KSR2: variants seen among roughly 807,000 people sequenced by gnomAD.
KSR2 encodes kinase suppressor of ras 2.
Under a neutral mutation model 107.8 loss-of-function variants are expected in KSR2, and 25 were observed. That is an observed-to-expected ratio of 0.23 (90% CI 0.17 to 0.32). The LOEUF (loss-of-function observed/expected upper bound fraction) is 0.32. KSR2 is among the 10% of genes least tolerant of loss of function. KSR2 has a pLI of 1.00. For missense variants in KSR2, 887 were observed against 1,268.9 expected (o/e 0.70, Z 4.57); for synonymous variants, 480 against 507.0 (o/e 0.95, Z 0.71).
At chr12:117,901,316 T>C (rs574528549) in intron 1 of KSR2, among the ~76,000 whole-genome samples, 1 of 152,070 alleles carries the variant, frequency 6.6e-6, no homozygotes, top group South Asian at 2.1e-4. Flanking sequence ...TTCTTTTTTT[T>C]TTTTGAGACA....
chr12:117,918,097 T>A lies in KSR2; in HGVS notation c.180+49979A>T, dbSNP rs1421391282. Among the ~76,000 whole-genome samples the A allele has an allele frequency of 2.0e-5, 3 of 152,192 alleles. No individual in the cohort carries two copies. The East Asian group carries it at 5.8e-4, about 29-fold the overall frequency. On this transcript the variant is annotated intron_variant, in intron 1 of 19. Transcript: ENST00000339824. ...TCATGGCAACTGCAATAGAAATGTA[T>A]TTCTGATTGAAAGAGGAGGCTGAGA...
intron 1 of KSR2, among the ~76,000 whole-genome samples, chr12:117,959,247 A>G (rs1308842520): frequency 6.6e-6 from 1 of 152,214 alleles, no homozygotes; most frequent in Non-Finnish European, 1.5e-5. Context: ...TGTCTACTTG[A>G]CAAATGTAGC....
At chr12:117,861,534 G>C (rs1304366489) in intron 1 of KSR2, among the ~76,000 whole-genome samples, 1 of 151,490 alleles carries the variant, frequency 6.6e-6, no homozygotes, top group Non-Finnish European at 1.5e-5. Flanking sequence ...GACTACAGGC[G>C]CCCGCCACCA....
chr12:117,711,943 T>C (rs1886800320), intron 4 of KSR2, among the ~76,000 whole-genome samples: 1 of 152,206 alleles, frequency 6.6e-6, no homozygotes, highest in Non-Finnish European at 1.5e-5. Flanking sequence ...AGGTTCTCCC[T>C]TGGCTGTCCT....
intron 3 of KSR2, among the ~76,000 whole-genome samples, chr12:117,784,408 C>T (rs898133226): frequency 3.9e-5 from 6 of 152,198 alleles, no homozygotes; most frequent in Non-Finnish European, 8.8e-5. Context: ...GTGAGGCCTC[C>T]CCAGCCACGT....
At chr12:117,683,529 A>G (rs756659839) in intron 4 of KSR2, among the ~76,000 whole-genome samples, 2 of 152,246 alleles carry the variant, frequency 1.3e-5, no homozygotes, top group Non-Finnish European at 2.9e-5. Flanking sequence ...AAATGTGTAT[A>G]TTATATGTCT....
At chr12:117,868,297 C>T (rs558742598) in intron 1 of KSR2, among the ~76,000 whole-genome samples, 1 of 151,866 alleles carries the variant, frequency 6.6e-6, no homozygotes, top group East Asian at 1.9e-4. Context: ...TGGTGGTGCA[C>T]ATCTGTAGTC....
chr12:117,710,171 G>A (rs1886703015), intron 4 of KSR2, among the ~76,000 whole-genome samples: 1 of 152,078 alleles, frequency 6.6e-6, no homozygotes, highest in Non-Finnish European at 1.5e-5. Context: ...AGGTAATGAT[G>A]CCATTTGAAT....
At chr12:117,701,545 G>C (rs1028225289) in intron 4 of KSR2, among the ~76,000 whole-genome samples, 4 of 152,190 alleles carry the variant, frequency 2.6e-5, no homozygotes, top group African/African-American at 9.6e-5. Flanking sequence ...GAAAAAAAAG[G>C]CTACTGGGAC....
At chr12:117,653,171 T>A (rs1198027765) in intron 5 of KSR2, among the ~76,000 whole-genome samples, 1 of 152,228 alleles carries the variant, frequency 6.6e-6, no homozygotes, top group East Asian at 1.9e-4. Context: ...GACAGATGGA[T>A]CTTGGAGAAT....
intron 1 of KSR2, among the ~76,000 whole-genome samples, chr12:117,957,112 G>A (rs756954240): frequency 1.1e-4 from 16 of 152,190 alleles, no homozygotes; most frequent in Admixed American, 2.6e-4. Flanking sequence ...TACCATTAAC[G>A]TCTACACTTC....
chr12:117,705,718 A>C (rs954556249), intron 4 of KSR2, among the ~76,000 whole-genome samples: 1 of 152,204 alleles, frequency 6.6e-6, no homozygotes, highest in South Asian at 2.1e-4. Flanking sequence ...ATAACGAAGC[A>C]CTTAGAACCT....
chr12:117,932,484 G>A (rs1472693249), intron 1 of KSR2, among the ~76,000 whole-genome samples: 1 of 152,302 alleles, frequency 6.6e-6, no homozygotes, highest in East Asian at 1.9e-4. Flanking sequence ...GGGAGGCTAA[G>A]GTGGGAAGAT....
chr12:117,740,471 AAT>A (rs1456715467), intron 4 of KSR2, among the ~76,000 whole-genome samples: 2 of 103,412 alleles, frequency 1.9e-5, no homozygotes, highest in African/African-American at 5.9e-5. Flanking sequence ...TATTATATGT[AAT>A]ATATAACATA....
At chr12:117,567,265 G>C (rs1253596600) in intron 7 of KSR2, among the ~76,000 whole-genome samples, 3 of 152,178 alleles carry the variant, frequency 2.0e-5, no homozygotes, top group Non-Finnish European at 4.4e-5. Context: ...AAAGATAAAT[G>C]AGAGCCAGCA....
intron 14 of KSR2, among the ~76,000 whole-genome samples, chr12:117,492,885 G>A (rs1247863509): frequency 1.3e-5 from 2 of 152,110 alleles, no homozygotes; most frequent in Admixed American, 1.3e-4. Context: ...AGGAATGCAG[G>A]CAGCCTCTAA....
chr12:117,741,402 C>G (rs1181968588), intron 4 of KSR2, among the ~76,000 whole-genome samples: 2 of 151,970 alleles, frequency 1.3e-5, no homozygotes, highest in Non-Finnish European at 2.9e-5. Flanking sequence ...GCACACCTGT[C>G]AAGTCCCAGC....
At chr12:117,577,262 G>GA (rs1879336842) in intron 7 of KSR2, among the ~76,000 whole-genome samples, 1 of 152,128 alleles carries the variant, frequency 6.6e-6, no homozygotes, top group South Asian at 2.1e-4. Flanking sequence ...AAAGCAAACA[G>GA]ATGCACATTC....
intron 7 of KSR2, among the ~76,000 whole-genome samples, chr12:117,559,828 C>T (rs144746457): frequency 6.6e-6 from 1 of 152,276 alleles, no homozygotes; most frequent in Non-Finnish European, 1.5e-5. Flanking sequence ...GATAGATACA[C>T]GCTGTGGAAG....
Sources: allele counts gnomAD v4.1 joint callset (sites outside exome capture counted in the v4.1 genomes callset), GRCh38; gene constraint gnomAD v4.1.1; transcripts MANE v1.5; gene names NCBI Gene and HGNC (gene_info 2026-07-23, HGNC 2026-07-21).